PUM3: variants seen among roughly 807,000 people sequenced by gnomAD.
The protein encoded by PUM3 is pumilio homolog 3.
Under a neutral mutation model 84.0 loss-of-function variants are expected in PUM3, and 91 were observed. The observed-to-expected ratio is 1.08, with a 90% CI of 0.91 to 1.29. The LOEUF (loss-of-function observed/expected upper bound fraction) is 1.29. PUM3 is among the 50% of genes most tolerant of loss of function. The probability of loss-of-function intolerance (pLI) is 0.00; values close to 1 mark genes in which losing one functional copy is unlikely to be tolerated. For missense variants in PUM3, 1,067 were observed against 767.5 expected (o/e 1.39, Z -4.61); for synonymous variants, 321 against 266.7 (o/e 1.20, Z -1.98).
Position 2,827,073 on chromosome 9 carries a change from TG to T in PUM3, c.1034del (p.Ser345Ter). ...TTAAAAACAAAAACCAAGAACTTAC[TG>T]ATCTGAGTTTGGGGGGTGCATAGGT... is the stretch of plus-strand genomic sequence containing the variant. ...FFTYAPPKLR[S>X]EMIEAIREAV... On this transcript the variant is annotated frameshift_variant and splice_region_variant, in exon 10 of 18. Coordinates refer to ENST00000397885, the MANE Select transcript of PUM3 (RefSeq NM_014878.5). LOFTEE classifies it high-confidence loss of function. 1 of 1,606,038 alleles carries T rather than the reference TG, an allele frequency of 6.2e-7. No homozygotes were observed. Among genetic ancestry groups the T allele is most frequent in the East Asian group, 2.2e-5 (1 of 44,652 alleles).
At chr9:2,839,517 C>T (rs1816213623) in intron 1 of PUM3, among the ~76,000 whole-genome samples, 1 of 152,158 alleles carries the variant, frequency 6.6e-6, no homozygotes, top group Admixed American at 6.5e-5. Flanking sequence ...CTAATATATA[C>T]AATCAATTCT....
At chr9:2,837,680 G>C (rs1370849184) in intron 2 of PUM3, among the ~76,000 whole-genome samples, 1 of 151,956 alleles carries the variant, frequency 6.6e-6, no homozygotes, top group Admixed American at 6.6e-5. Context: ...GTGTCAGTTT[G>C]GTATGTTTCT....
At chr9:2,821,038 C>T (rs1011978371) in intron 12 of PUM3, among the ~76,000 whole-genome samples, 5 of 152,116 alleles carry the variant, frequency 3.3e-5, no homozygotes, top group Admixed American at 1.3e-4. Context: ...ATAAATATCA[C>T]AGATAATACA....
chr9:2,827,134 T>C lies in PUM3; in HGVS notation c.974A>G (p.His325Arg). The change falls in exon 10 of 18, where the codon CAC (histidine) becomes CGC (arginine). Residue 325 changes from histidine to arginine, a missense_variant. Physicochemically the swap from His to Arg is conservative, Grantham distance 29. Transcript: ENST00000397885. ...PMAQKEAVIK[H>R]SLVHKVFLDF... ...CAAGAATACTTTATGCACCAATGAG[T>C]GCTTAATCACAGCTTCCCTGAAAAC... is the stretch of plus-strand genomic sequence containing the variant. 1 of 1,608,846 alleles carries C rather than the reference T, an allele frequency of 6.2e-7. No individual in the cohort carries two copies. Among genetic ancestry groups the C allele is most frequent in the African/African-American group, 1.3e-5 (1 of 74,796 alleles).
intron 13 of PUM3, among the ~76,000 whole-genome samples, chr9:2,812,943 T>A (rs73394636): frequency 2.7e-3 from 405 of 152,340 alleles, no homozygotes; most frequent in African/African-American, 9.4e-3. Flanking sequence ...TCTATTAGAA[T>A]TTCCCTGCTG....
intron 16 of PUM3, among the ~76,000 whole-genome samples, chr9:2,809,654 G>T (rs1312926859): frequency 6.6e-6 from 1 of 152,062 alleles, no homozygotes; most frequent in African/African-American, 2.4e-5. Context: ...CTCAGTAGGG[G>T]AAAAAAATCT....
intron 13 of PUM3, among the ~76,000 whole-genome samples, chr9:2,815,448 G>C (rs1016829676): frequency 2.6e-5 from 4 of 152,168 alleles, no homozygotes; most frequent in African/African-American, 4.8e-5. Flanking sequence ...AAATAGGTAA[G>C]AGACAGCTAA....
At chr9:2,825,768 C>A (rs1334268707) in intron 10 of PUM3, among the ~76,000 whole-genome samples, 2 of 152,152 alleles carry the variant, frequency 1.3e-5, no homozygotes, top group African/African-American at 2.4e-5. Flanking sequence ...GTGTGAGCCA[C>A]CGTGCCTGGC....
At chr9:2,828,640 A>G in intron 9 of PUM3, 35 bp downstream of exon 9, 4 of 1,282,672 alleles carry the variant, frequency 3.1e-6, no homozygotes, top group East Asian at 2.3e-5. Flanking sequence ...TTTGAATGTC[A>G]TTTCTTAAGA....
intron 1 of PUM3, among the ~76,000 whole-genome samples, chr9:2,841,650 T>C (rs1448699274): frequency 6.6e-6 from 1 of 151,958 alleles, no homozygotes; most frequent in Non-Finnish European, 1.5e-5. Flanking sequence ...TCCTCTTAAG[T>C]TTTACTTGCT....
rs1288155544 is a variant in PUM3 at position 2,804,174 on chromosome 9, A to G, written c.*157T>C. On this transcript the variant is annotated 3_prime_UTR_variant, in exon 18 of 18. Coordinates refer to ENST00000397885, the MANE Select transcript of PUM3 (RefSeq NM_014878.5). ...AGATTTTTAAAAAAGACCATTTAAAAAAACAATTTATATAAATAGATTCGT... is the reference window on the plus strand; with the variant it reads ...AGATTTTTAAAAAAGACCATTTAAAGAAACAATTTATATAAATAGATTCGT... The G allele has an allele frequency of 4.4e-6, 3 of 680,194 alleles. No individual in the cohort carries two copies. Among genetic ancestry groups the G allele is most frequent in the Non-Finnish European group, 2.2e-6 (1 of 445,130 alleles). The allele number at this position is 680,194 out of a possible 1,614,324, so 42.1% of individuals were successfully genotyped here. A position where few individuals can be genotyped will look rare whatever the true frequency, so the allele number is the denominator to read the frequency against.
At chr9:2,838,597 C>A in intron 1 of PUM3, 80 bp from the exon 2 acceptor site, 1 of 821,394 alleles carries the variant, frequency 1.2e-6, no homozygotes, top group Non-Finnish European at 2.1e-6. Context: ...GTCATTGCCA[C>A]ATTTAGTCCT....
At chr9:2,812,453 A>ATGC (rs1821394156) in intron 13 of PUM3, 91 bp from the exon 14 acceptor site, 1 of 864,366 alleles carries the variant, frequency 1.2e-6, no homozygotes, top group Admixed American at 2.8e-5. Flanking sequence ...GCCATTTACT[A>ATGC]TGCTAAGCAA....
chr9:2,810,374 C>T lies in PUM3; in HGVS notation c.1693G>A (p.Asp565Asn), dbSNP rs1401411520. ...CTCCCATTTTCTTTCATCTTTTTATCTTGCTCTATTAACCACTTCAGAACT... is the reference window on the plus strand; with the variant it reads ...CTCCCATTTTCTTTCATCTTTTTATTTTGCTCTATTAACCACTTCAGAACT... ...HLVLKWLIEQ[D>N]KKMKENGREG... Residue 565 changes from aspartate to asparagine, a missense_variant, in exon 16 of 18, where the codon GAT becomes AAT. Physicochemically the swap from Asp to Asn is conservative, Grantham distance 23. Coordinates refer to ENST00000397885, the MANE Select transcript of PUM3 (RefSeq NM_014878.5). 1 of 1,611,692 alleles carries T rather than the reference C, an allele frequency of 6.2e-7. No individual in the cohort carries two copies. The highest frequency in any genetic ancestry group is 1.3e-5 in the African/African-American group (1 of 74,854).
chr9:2,804,489 T>C, intron 17 of PUM3, 26 bp from the exon 18 acceptor site: 1 of 1,602,630 alleles, frequency 6.2e-7, no homozygotes, highest in Non-Finnish European at 8.5e-7. Context: ...AAATTAAATT[T>C]CATAAGCATT....
intron 1 of PUM3, among the ~76,000 whole-genome samples, chr9:2,841,292 G>C (rs1816257871): frequency 6.6e-6 from 1 of 152,170 alleles, no homozygotes; most frequent in Non-Finnish European, 1.5e-5. Context: ...CTTTTCCAAA[G>C]TTACTTAGAG....
At chr9:2,833,134 A>T (rs1816028282) in intron 5 of PUM3, among the ~76,000 whole-genome samples, 1 of 152,234 alleles carries the variant, frequency 6.6e-6, no homozygotes, top group African/African-American at 2.4e-5. Flanking sequence ...AAGAATTATT[A>T]AAAAATGACT....
chr9:2,835,015 A>C (rs999454838), intron 3 of PUM3, among the ~76,000 whole-genome samples: 19 of 147,890 alleles, frequency 1.3e-4, no homozygotes, highest in African/African-American at 4.7e-4. Context: ...GAAAAATGCA[A>C]AAAAAAAAAA....
chr9:2,842,120 A>G (rs1468990762), intron 1 of PUM3, among the ~76,000 whole-genome samples: 1 of 152,120 alleles, frequency 6.6e-6, no homozygotes. Context: ...TGCTTTTTGC[A>G]CTGGGCAAAA....
Sources: gnomAD v4.1 joint callset for allele counts (sites outside exome capture counted in the v4.1 genomes callset) on GRCh38, gnomAD v4.1.1 for gene constraint, MANE v1.5 for transcripts, NCBI Gene and HGNC (gene_info 2026-07-23, HGNC 2026-07-21) for gene names.